DLG2: variants seen among roughly 807,000 people sequenced by gnomAD.
DLG2 encodes discs large MAGUK scaffold protein 2.
Under a neutral mutation model 132.5 loss-of-function variants are expected in DLG2, and 45 were observed. That is an observed-to-expected ratio of 0.34 (90% CI 0.27 to 0.44). The LOEUF is 0.44. DLG2 is among the 20% of genes least tolerant of loss of function. The pLI is 1.00. For synonymous variants in DLG2, 424 were observed against 419.6 expected (o/e 1.01, Z -0.13); for missense variants, 1,045 against 1,196.9 (o/e 0.87, Z 1.87).
At chr11:84,235,640 T>C (rs934559284) in intron 8 of DLG2, among the ~76,000 whole-genome samples, 1 of 152,230 alleles carries the variant, frequency 6.6e-6, no homozygotes, top group Non-Finnish European at 1.5e-5. Context: ...TGTGTTTCTC[T>C]TTGTAGCACT....
intron 4 of DLG2, among the ~76,000 whole-genome samples, chr11:85,239,771 T>C (rs1381358653): frequency 6.6e-6 from 1 of 151,988 alleles, no homozygotes; most frequent in Non-Finnish European, 1.5e-5. Context: ...AATTTTCCAT[T>C]GCAAGAACAT....
intron 6 of DLG2, among the ~76,000 whole-genome samples, chr11:84,750,151 T>A (rs931221959): frequency 6.6e-6 from 1 of 151,632 alleles, no homozygotes; most frequent in Non-Finnish European, 1.5e-5. Flanking sequence ...TGCTCTGTAC[T>A]TTTTTTTTCC....
chr11:83,567,046 G>A (rs545491157), intron 19 of DLG2, among the ~76,000 whole-genome samples: 6 of 152,108 alleles, frequency 3.9e-5, no homozygotes, highest in East Asian at 1.9e-4. Context: ...GCACAGGAAC[G>A]GTTAATCCAG....
intron 7 of DLG2, among the ~76,000 whole-genome samples, chr11:84,251,675 C>T (rs1432522851): frequency 7.3e-6 from 1 of 136,850 alleles, no homozygotes; most frequent in Non-Finnish European, 1.5e-5. Flanking sequence ...AAGAATCTCG[C>T]TCTGTCACCC....
intron 6 of DLG2, among the ~76,000 whole-genome samples, chr11:84,813,175 T>C (rs1391560188): frequency 1.3e-5 from 2 of 150,970 alleles, no homozygotes; most frequent in South Asian, 2.1e-4. Flanking sequence ...ATTAAATACA[T>C]ACACACACAC....
At chr11:85,068,496 A>G (rs1248162101) in intron 6 of DLG2, among the ~76,000 whole-genome samples, 3 of 152,150 alleles carry the variant, frequency 2.0e-5, no homozygotes, top group African/African-American at 4.8e-5. Flanking sequence ...AAGCATTCTT[A>G]TACACCAATA....
intron 6 of DLG2, among the ~76,000 whole-genome samples, chr11:84,849,278 T>C (rs1479632963): frequency 1.3e-5 from 2 of 152,188 alleles, no homozygotes; most frequent in Non-Finnish European, 2.9e-5. Flanking sequence ...AATTATATTT[T>C]AGAGTAGTTT....
At chr11:84,312,490 G>A (rs544793786) in intron 7 of DLG2, among the ~76,000 whole-genome samples, 1 of 151,922 alleles carries the variant, frequency 6.6e-6, no homozygotes, top group East Asian at 1.9e-4. Flanking sequence ...ACAAACAAAC[G>A]AACAAAACAA....
At chr11:85,070,136 C>T (rs2065606309) in intron 6 of DLG2, among the ~76,000 whole-genome samples, 1 of 151,812 alleles carries the variant, frequency 6.6e-6, no homozygotes, top group African/African-American at 2.4e-5. Flanking sequence ...GGGAACATCA[C>T]ACACCGGGGC....
intron 2 of DLG2, among the ~76,000 whole-genome samples, chr11:85,625,451 A>G (rs1591413160): frequency 6.6e-6 from 1 of 152,308 alleles, no homozygotes; most frequent in East Asian, 1.9e-4. Context: ...GGAGGAAACA[A>G]TCCCAATCTT....
At chr11:84,765,825 C>T (rs937412800) in intron 6 of DLG2, among the ~76,000 whole-genome samples, 2 of 151,868 alleles carry the variant, frequency 1.3e-5, no homozygotes, top group African/African-American at 2.4e-5. Flanking sequence ...AATTATTTAT[C>T]TGGATAAATT....
At chr11:84,313,742 T>A (rs1224374991) in intron 7 of DLG2, among the ~76,000 whole-genome samples, 1 of 151,958 alleles carries the variant, frequency 6.6e-6, no homozygotes, top group Non-Finnish European at 1.5e-5. Flanking sequence ...CACAAAACTC[T>A]GGTCTCTGAG....
At chr11:84,125,998 TAA>T (rs2094152494) in intron 9 of DLG2, among the ~76,000 whole-genome samples, 1 of 152,192 alleles carries the variant, frequency 6.6e-6, no homozygotes, top group Non-Finnish European at 1.5e-5. Flanking sequence ...ATAAAGAGGA[TAA>T]AATCAGCTAT....
At chr11:85,519,382 G>T (rs2074094394) in intron 3 of DLG2, among the ~76,000 whole-genome samples, 1 of 152,104 alleles carries the variant, frequency 6.6e-6, no homozygotes, top group Non-Finnish European at 1.5e-5. Context: ...GAGTCAAAGG[G>T]GATCATTTTG....
intron 6 of DLG2, among the ~76,000 whole-genome samples, chr11:84,547,972 G>C (rs981682471): frequency 1.3e-5 from 2 of 152,206 alleles, no homozygotes; most frequent in Non-Finnish European, 2.9e-5. Flanking sequence ...TTATTGAACA[G>C]TAGTACCCTG....
intron 7 of DLG2, among the ~76,000 whole-genome samples, chr11:84,280,787 T>G (rs1023328262): frequency 2.7e-5 from 4 of 148,880 alleles, no homozygotes; most frequent in Non-Finnish European, 4.4e-5. Flanking sequence ...AAGCTCCGCC[T>G]CCCTGGTTCA....
chr11:85,302,798 A>G (rs1405488582), intron 3 of DLG2, among the ~76,000 whole-genome samples: 1 of 152,198 alleles, frequency 6.6e-6, no homozygotes, highest in Non-Finnish European at 1.5e-5. Context: ...GCTAATAACA[A>G]CAGCAGCTAC....
rs1219134350 is a variant in DLG2, at chr11:85,556,459, A to G, written c.40+42198T>C. Among the ~76,000 whole-genome samples the G allele has an allele frequency of 1.3e-5, 2 of 151,890 alleles. 1 individual carries two copies. Among genetic ancestry groups the G allele is most frequent in the Non-Finnish European group, 2.9e-5 (2 of 67,900 alleles). ...AAGCCTATCATAAAGGCATTATATCAAACAGACTTTTTCTTTACAAAGTCG... is the reference window on the plus strand; with the variant it reads ...AAGCCTATCATAAAGGCATTATATCGAACAGACTTTTTCTTTACAAAGTCG... On this transcript the variant is annotated intron_variant, in intron 3 of 27. Transcript: ENST00000376104.
At chr11:83,779,494 T>G (rs768452712) in intron 18 of DLG2, among the ~76,000 whole-genome samples, 12 of 152,174 alleles carry the variant, frequency 7.9e-5, no homozygotes, top group Admixed American at 2.6e-4. Context: ...AGAAATTTTT[T>G]GACCCCTTTA....
Sources: gnomAD v4.1 joint callset for allele counts (sites outside exome capture counted in the v4.1 genomes callset) on GRCh38, gnomAD v4.1.1 for gene constraint, MANE v1.5 for transcripts, NCBI Gene and HGNC (gene_info 2026-07-23, HGNC 2026-07-21) for gene names.